CNOT6: variants seen among roughly 807,000 people sequenced by gnomAD.
The protein encoded by CNOT6 is carbon catabolite repression 4 protein.
CNOT6 carries 12 observed loss-of-function variants against 61.2 expected under a neutral mutation model. The observed-to-expected ratio is 0.20, with a 90% confidence interval of 0.13 to 0.32. CNOT6 has a LOEUF of 0.32. Among genes scored for constraint, CNOT6 ranks in the 10% least tolerant of loss-of-function variants. The probability of loss-of-function intolerance (pLI) is 1.00; values close to 1 mark genes in which losing one functional copy is unlikely to be tolerated. For missense variants in CNOT6, 405 were observed against 663.9 expected, an observed-to-expected ratio of 0.61 and a Z score of 4.28; for synonymous variants, 225 against 240.6, an observed-to-expected ratio of 0.94 and a Z score of 0.60.
At chr5:180,559,839 G>C (rs1167761840) in intron 4 of CNOT6, among the ~76,000 whole-genome samples, 1 of 151,924 alleles carries the variant, frequency 6.6e-6, no homozygotes, top group Admixed American at 6.6e-5. Flanking sequence ...TATTTTACCA[G>C]TTCAAGGGAA....
intron 1 of CNOT6, among the ~76,000 whole-genome samples, chr5:180,510,701 A>G (rs1020482969): frequency 2.6e-5 from 4 of 152,230 alleles, no homozygotes; most frequent in Non-Finnish European, 5.9e-5. Context: ...AAAAGTTTTA[A>G]TATACCTATA....
At chr5:180,512,122 G>A (rs146420560) in intron 1 of CNOT6, among the ~76,000 whole-genome samples, 62 of 152,344 alleles carry the variant, frequency 4.1e-4, no homozygotes, top group Non-Finnish European at 8.1e-4. Context: ...TGTGAAAGCT[G>A]TGGATTTCAG....
At chr5:180,494,925 C>T (rs1468905465) in intron 1 of CNOT6, among the ~76,000 whole-genome samples, 162 bp downstream of exon 1, 2 of 151,626 alleles carry the variant, frequency 1.3e-5, no homozygotes, top group Non-Finnish European at 2.9e-5. Flanking sequence ...CCCTTCGACG[C>T]GCCGCGATCG....
chr5:180,565,364 G>T (rs894196973), intron 6 of CNOT6, among the ~76,000 whole-genome samples: 1 of 152,156 alleles, frequency 6.6e-6, no homozygotes, highest in African/African-American at 2.4e-5. Flanking sequence ...TTCATGGTGC[G>T]TGTAACAAAA....
intron 11 of CNOT6, 98 bp downstream of exon 11, chr5:180,571,530 C>A: frequency 1.1e-6 from 1 of 873,250 alleles, no homozygotes; most frequent in Non-Finnish European, 1.8e-6. Context: ...TGTGTTCAGG[C>A]TGGAATGAAG....
chr5:180,553,376 A>G lies in CNOT6; in HGVS notation c.300-10A>G, dbSNP rs779841468. ...ATTTTTCTGACTTCCTGGAATTTTT[A>G]CATCAACAGGGAGCTCCATTTAAAT... is the stretch of plus-strand genomic sequence containing the variant. On this transcript the variant is annotated splice_polypyrimidine_tract_variant and intron_variant, in intron 3 of 11. Coordinates refer to ENST00000261951, the MANE Select transcript of CNOT6 (RefSeq NM_001370472.1). The G allele has an allele frequency of 1.2e-6, 2 of 1,604,702 alleles. No homozygotes were observed. The highest frequency in any genetic ancestry group is 1.1e-5 in the South Asian group (1 of 89,780).
rs1279643941 is a variant in CNOT6, at chr5:180,575,192, G to A, written c.*992G>A. On this transcript the variant is annotated 3_prime_UTR_variant, in exon 12 of 12. Coordinates refer to ENST00000261951, the MANE Select transcript of CNOT6 (RefSeq NM_001370472.1). ...CTGCCTGTGCATGCAGAGAAAATCT[G>A]TGCATCCTCTTTTATATTTTTAAAA... is the stretch of plus-strand genomic sequence containing the variant. 1 of 152,584 alleles carries A rather than the reference G, an allele frequency of 6.6e-6. No homozygotes were observed. The highest frequency in any genetic ancestry group is 1.5e-5 in the Non-Finnish European group (1 of 68,026). 9.5% of individuals were successfully genotyped at this position (152,584 alleles called of 1,614,324 possible).
intron 1 of CNOT6, among the ~76,000 whole-genome samples, chr5:180,517,602 G>A (rs1757697228): frequency 6.6e-6 from 1 of 151,300 alleles, no homozygotes; most frequent in African/African-American, 2.4e-5. Flanking sequence ...GGAGTGCAGT[G>A]GCGCGATCTT....
At chr5:180,566,865 C>T (rs1194694707) in intron 7 of CNOT6, among the ~76,000 whole-genome samples, 1 of 151,568 alleles carries the variant, frequency 6.6e-6, no homozygotes, top group Non-Finnish European at 1.5e-5. Context: ...GTTGGCCAGG[C>T]TTGGTCTGGA....
At chr5:180,515,311 G>A (rs1287604223) in intron 1 of CNOT6, among the ~76,000 whole-genome samples, 1 of 152,074 alleles carries the variant, frequency 6.6e-6, no homozygotes, top group Non-Finnish European at 1.5e-5. Context: ...GGTGGTGCCT[G>A]AGCCCAGGAG....
intron 2 of CNOT6, chr5:180,534,584 G>T: frequency 6.4e-6 from 1 of 155,650 alleles, no homozygotes; most frequent in South Asian, 1.8e-4. Flanking sequence ...ATTCCCTTTT[G>T]GGTGCGCAAG....
At position 180,500,564 on chromosome 5, in the gene CNOT6, A is replaced by C. The variant is rs1188271774; in HGVS notation, c.-3+5801A>C. Among the ~76,000 whole-genome samples, 3 of 151,626 alleles carry C rather than the reference A, an allele frequency of 2.0e-5. No individual in the cohort carries two copies. In the East Asian group the frequency reaches 5.8e-4, roughly 29 times the overall value. ...GCCATTCTCCTTCAGCCTCCTGAGTAGCTGGGACTACAGGCACCTGCCATC... is the reference window on the plus strand; with the variant it reads ...GCCATTCTCCTTCAGCCTCCTGAGTCGCTGGGACTACAGGCACCTGCCATC... On this transcript the variant is annotated intron_variant, in intron 1 of 11. Coordinates refer to ENST00000261951, the MANE Select transcript of CNOT6 (RefSeq NM_001370472.1).
chr5:180,519,095 T>A (rs902723877), intron 1 of CNOT6, among the ~76,000 whole-genome samples: 1 of 152,190 alleles, frequency 6.6e-6, no homozygotes, highest in African/African-American at 2.4e-5. Context: ...CAGGGAATTG[T>A]AATCAGGGAC....
At chr5:180,563,161 A>G (rs1051796889) in intron 4 of CNOT6, among the ~76,000 whole-genome samples, 1 of 152,208 alleles carries the variant, frequency 6.6e-6, no homozygotes, top group African/African-American at 2.4e-5. Flanking sequence ...GGGTGTCTCA[A>G]ATAGTTAACA....
chr5:180,529,446 G>A (rs1478557405), intron 2 of CNOT6, 58 bp downstream of exon 2: 8 of 923,242 alleles, frequency 8.7e-6, no homozygotes, highest in Non-Finnish European at 1.4e-5. Flanking sequence ...AGTAAACTGA[G>A]TTTTCTAATG....
chr5:180,551,305 A>AG (rs1581544141), intron 3 of CNOT6, among the ~76,000 whole-genome samples: 1 of 152,086 alleles, frequency 6.6e-6, no homozygotes, highest in East Asian at 1.9e-4. Context: ...TGCAGTGAGC[A>AG]GAGATCATGC....
intron 7 of CNOT6, among the ~76,000 whole-genome samples, chr5:180,566,640 CTTTT>C (rs70973940): frequency 0.022 from 1,662 of 75,556 alleles, 7 homozygotes; most frequent in Non-Finnish European, 0.027. Context: ...AAAGATGTTA[CTTTT>C]TTTTTTTTTT....
chr5:180,528,819 A>G (rs1197003822), intron 1 of CNOT6, among the ~76,000 whole-genome samples: 1 of 152,080 alleles, frequency 6.6e-6, no homozygotes, highest in African/African-American at 2.4e-5. Context: ...GCTTGTTTGT[A>G]TCTGTCTTGT....
chr5:180,570,270 A>C (rs1760678829), intron 10 of CNOT6, among the ~76,000 whole-genome samples: 1 of 152,204 alleles, frequency 6.6e-6, no homozygotes, highest in South Asian at 2.1e-4. Context: ...AGGCACAAGA[A>C]TGACTTGAAC....
Sources: allele counts gnomAD v4.1 joint callset (sites outside exome capture counted in the v4.1 genomes callset), GRCh38; gene constraint gnomAD v4.1.1; transcripts MANE v1.5; gene names NCBI Gene and HGNC (gene_info 2026-07-23, HGNC 2026-07-21).